Variants in C12orf42 observed in about 807,000 individuals in gnomAD.
C12orf42 encodes uncharacterized protein C12orf42.
A neutral mutation model predicts 21.6 loss-of-function variants in C12orf42; 25 were observed. That is an observed-to-expected ratio of 1.16 (90% CI 0.84 to 1.62). The LOEUF (loss-of-function observed/expected upper bound fraction) is 1.62. Ranked by LOEUF, C12orf42 falls within the 40% of genes most tolerant of loss-of-function variation. The pLI is 0.00. For synonymous variants in C12orf42, 174 were observed against 175.0 expected (o/e 0.99, Z 0.05); for missense variants, 483 against 459.3 (o/e 1.05, Z -0.47).
At chr12:103,074,986 G>A in the C12orf42 span, among the ~76,000 whole-genome samples, 1 of 152,116 alleles carries the variant, frequency 6.6e-6, no homozygotes, top group Non-Finnish European at 1.5e-5. Flanking sequence ...CTACTTGGGA[G>A]GCTGATGTGG....
chr12:103,074,049 C>T, the C12orf42 span, among the ~76,000 whole-genome samples: 1 of 152,146 alleles, frequency 6.6e-6, no homozygotes, highest in East Asian at 1.9e-4. Flanking sequence ...TTCCCAAAGC[C>T]TCAAAAGCAA....
chr12:103,467,405 A>C (rs1459525467), intron 2 of C12orf42, among the ~76,000 whole-genome samples: 1 of 152,154 alleles, frequency 6.6e-6, no homozygotes, highest in East Asian at 1.9e-4. Flanking sequence ...AAACGATCTG[A>C]TGGATATAAA....
At chr12:103,473,156 TTTGA>T (rs1953760917) in intron 2 of C12orf42, among the ~76,000 whole-genome samples, 1 of 152,216 alleles carries the variant, frequency 6.6e-6, no homozygotes, top group African/African-American at 2.4e-5. Context: ...ATGCCATTTC[TTTGA>T]TTAATACAGT....
intron 3 of C12orf42, among the ~76,000 whole-genome samples, chr12:103,390,865 C>T (rs1270701422): frequency 1.3e-5 from 2 of 152,178 alleles, no homozygotes; most frequent in Non-Finnish European, 2.9e-5. Context: ...ATGATGCCCA[C>T]CCCCATTGAT....
the C12orf42 span, among the ~76,000 whole-genome samples, chr12:103,064,378 G>C: frequency 6.6e-6 from 1 of 152,208 alleles, no homozygotes; most frequent in Non-Finnish European, 1.5e-5. Flanking sequence ...GTAATGGACA[G>C]CAGAGGCAAA....
intron 4 of C12orf42, among the ~76,000 whole-genome samples, chr12:103,322,191 C>A (rs2040248103): frequency 6.6e-6 from 1 of 152,044 alleles, no homozygotes; most frequent in Admixed American, 6.5e-5. Flanking sequence ...GATCCTACTA[C>A]TCTAAGTAGT....
intron 2 of C12orf42, among the ~76,000 whole-genome samples, chr12:103,437,401 A>G (rs1592807713): frequency 6.6e-6 from 1 of 151,656 alleles, no homozygotes; most frequent in Non-Finnish European, 1.5e-5. Flanking sequence ...AAATAACTAA[A>G]ATCAGAGCAG....
chr12:103,162,752 T>C, the C12orf42 span: 1 of 152,166 alleles, frequency 6.6e-6, no homozygotes, highest in East Asian at 1.9e-4. Flanking sequence ...CCCACAATAT[T>C]GAACCACCAT....
intron 1 of C12orf42, among the ~76,000 whole-genome samples, chr12:103,481,583 C>T (rs1954473139): frequency 6.6e-6 from 1 of 151,592 alleles, no homozygotes; most frequent in African/African-American, 2.4e-5. Flanking sequence ...TTTTTCCATA[C>T]TTGAACTTTT....
At chr12:103,207,563 G>A in the C12orf42 span, among the ~76,000 whole-genome samples, 1 of 151,990 alleles carries the variant, frequency 6.6e-6, no homozygotes, top group African/African-American at 2.4e-5. Flanking sequence ...AACCCAGAAG[G>A]AGAAAAATGT....
chr12:103,163,023 C>G, the C12orf42 span: 1 of 152,136 alleles, frequency 6.6e-6, no homozygotes, highest in African/African-American at 2.4e-5. Flanking sequence ...GAGAAAAAAT[C>G]CTTCTTTTTC....
chr12:103,178,938 C>T, the C12orf42 span, among the ~76,000 whole-genome samples: 1 of 152,190 alleles, frequency 6.6e-6, no homozygotes, highest in Admixed American at 6.5e-5. Context: ...TTTTGATCTC[C>T]ATGATGCCAA....
intron 4 of C12orf42, among the ~76,000 whole-genome samples, chr12:103,317,239 C>T (rs528363217): frequency 6.6e-6 from 1 of 152,170 alleles, no homozygotes; most frequent in Admixed American, 6.5e-5. Context: ...ATAAATGTGC[C>T]TTTTCCTTCT....
At chr12:103,067,974 C>T in the C12orf42 span, among the ~76,000 whole-genome samples, 6 of 152,142 alleles carry the variant, frequency 3.9e-5, no homozygotes, top group African/African-American at 1.4e-4. Context: ...CAATGGGAAA[C>T]TACAACAGCC....
chr12:103,282,461 G>A (rs139466800), intron 4 of C12orf42, among the ~76,000 whole-genome samples: 465 of 152,226 alleles, frequency 3.1e-3, no homozygotes, highest in Middle Eastern at 0.017. Flanking sequence ...TGTTGTAATT[G>A]CCTACAGTAT....
chr12:103,399,093 ATG>A (rs2047770075), intron 3 of C12orf42, among the ~76,000 whole-genome samples: 1 of 151,920 alleles, frequency 6.6e-6, no homozygotes, highest in Admixed American at 6.6e-5. Context: ...TATATGTCCT[ATG>A]ATTTTTTAAA....
the C12orf42 span, among the ~76,000 whole-genome samples, chr12:103,524,330 G>C: frequency 3.9e-5 from 6 of 152,188 alleles, no homozygotes; most frequent in Non-Finnish European, 5.9e-5. Flanking sequence ...GAATCAAAGA[G>C]TTGGCAAGAA....
chr12:103,273,138 C>T (rs745497965), intron 5 of C12orf42, among the ~76,000 whole-genome samples: 11 of 152,074 alleles, frequency 7.2e-5, no homozygotes, highest in South Asian at 2.1e-4. Flanking sequence ...CTTCCTATGC[C>T]GATATGACTC....
chr12:103,341,458 C>T (rs1006579396), intron 4 of C12orf42, among the ~76,000 whole-genome samples: 1 of 152,010 alleles, frequency 6.6e-6, no homozygotes, highest in Non-Finnish European at 1.5e-5. Flanking sequence ...ATACCATAAA[C>T]CCCAAAGCAC....
Sources: allele counts gnomAD v4.1 joint callset (sites outside exome capture counted in the v4.1 genomes callset), GRCh38; gene constraint gnomAD v4.1.1; transcripts MANE v1.5; gene names NCBI Gene and HGNC (gene_info 2026-07-23, HGNC 2026-07-21).